The following MUC5AC variants were observed in gnomAD, a reference collection of about 807,000 sequenced individuals.
MUC5AC encodes mucin 5AC, oligomeric mucus/gel-forming, also known as mucin-5AC.
Under a neutral mutation model 169.7 loss-of-function variants are expected in MUC5AC, and 158 were observed. The ratio of observed to expected loss-of-function variants is 0.93; its 90% CI spans 0.82 to 1.06. MUC5AC has a LOEUF of 1.06. MUC5AC is among the 50% of genes least tolerant of loss of function. The pLI, the probability that MUC5AC is intolerant of heterozygous loss-of-function variation, is 0.00. For missense variants in MUC5AC, 4,359 were observed against 3,089.9 expected (o/e 1.41, Z -9.74); for synonymous variants, 1,975 against 1,237.0 (o/e 1.60, Z -12.52).
chr11:1,188,938 A>C lies in MUC5AC; in HGVS notation c.10793A>C (p.Asn3598Thr), dbSNP rs1168483575. Reference sequence around the variant, plus strand: ...CGCGAAGAGGGCCTGGTGTGCCGGAACCAGGACCAGCAGGGACCCTTCAAG... The same window carrying C: ...CGCGAAGAGGGCCTGGTGTGCCGGACCCAGGACCAGCAGGGACCCTTCAAG... ...CSREEGLVCR[N>T]QDQQGPFKMC... The change falls in exon 31 of 49, where the codon AAC (asparagine) becomes ACC (threonine). Residue 3598 changes from asparagine (N) to threonine (T), a missense_variant. Transcript: ENST00000621226. The C allele has an allele frequency of 2.7e-6, 2 of 742,578 alleles. No individual in the cohort carries two copies. The highest frequency in any genetic ancestry group is 4.9e-6 in the Non-Finnish European group (2 of 407,592). 46.0% of individuals were successfully genotyped at this position (742,578 alleles called of 1,614,324 possible). A position where few individuals can be genotyped will look rare whatever the true frequency, so the allele number is the denominator to read the frequency against.
intron 45 of MUC5AC, 42 bp from the exon 46 acceptor site, chr11:1,199,329 C>T (rs370679744): frequency 2.6e-5 from 18 of 701,680 alleles, no homozygotes; most frequent in Middle Eastern, 2.6e-4. Context: ...GAGGGACAGA[C>T]GGAGGGAGGG....
At chr11:1,193,992 G>A (rs1043131159) in intron 33 of MUC5AC, 118 bp from the exon 34 acceptor site, 7 of 671,514 alleles carry the variant, frequency 1.0e-5, no homozygotes, top group Non-Finnish European at 1.6e-5. Flanking sequence ...GGTCTTGTGC[G>A]CCCTGTGAGA....
Position 1,191,704 on chromosome 11 carries a change from G to T in MUC5AC, c.13559G>T (p.Ser4520Ile). The T allele has an allele frequency of 1.4e-6, 1 of 705,360 alleles. No homozygotes were observed. 43.7% of individuals were successfully genotyped at this position (705,360 alleles called of 1,614,324 possible). Residue 4520 changes from serine (S) to isoleucine (I), a missense_variant, in exon 31 of 49, where the codon AGC (serine) becomes ATC (isoleucine). Ser to Ile is a moderately radical substitution (Grantham distance 142). Coordinates refer to ENST00000621226, the MANE Select transcript of MUC5AC (RefSeq NM_001304359.2). Reference protein sequence around the residue: ...GTTPSPVPTTSTTSAPTTSTT... With the variant: ...GTTPSPVPTTITTSAPTTSTT... ...ACTCCCAGCCCTGTTCCCACCACCAGCACAACCTCTGCTCCTACAACCAGC... is the reference window on the plus strand; with the variant it reads ...ACTCCCAGCCCTGTTCCCACCACCATCACAACCTCTGCTCCTACAACCAGC...
At chr11:1,175,608 C>A (rs2133742638) in intron 19 of MUC5AC, among the ~76,000 whole-genome samples, 1 of 134,050 alleles carries the variant, frequency 7.5e-6, no homozygotes, top group South Asian at 2.6e-4. Context: ...CATTCACACC[C>A]TCATGCACAC....
rs1292441326 is a variant in MUC5AC at position 1,191,884 on chromosome 11, C to T, written c.13739C>T (p.Ala4580Val). 1.3e-6 allele frequency: 1 copy of T among 763,168 alleles called. No individual in the cohort carries two copies. Among genetic ancestry groups the T allele is most frequent in the South Asian group, 1.4e-5 (1 of 73,282 alleles). The allele number at this position is 763,168 out of a possible 1,614,324, so 47.3% of individuals were successfully genotyped here. The change falls in exon 31 of 49, where the codon GCT (alanine) becomes GTT (valine). Residue 4580 changes from alanine to valine, a missense_variant. Coordinates refer to ENST00000621226, the MANE Select transcript of MUC5AC (RefSeq NM_001304359.2). ...GTTCCCACCACCAGCACAACCTCTG[C>T]TCCTACAACCAGCACGACCTCTGGT... The part of the protein sequence containing the change: ...SPVPTTSTTS[A>V]PTTSTTSGPG...
Position 1,160,620 on chromosome 11 carries a change from C to A in MUC5AC, c.82C>A (p.Gln28Lys). ...CCCTCCTCTTTCTGCAGGCCATGCC[C>A]AGGATGGCTCCTCCGAATCCAGCTA... Reference protein sequence around the residue: ...LACTRHTGHAQDGSSESSYKH... With the variant: ...LACTRHTGHAKDGSSESSYKH... The change falls in exon 2 of 49, where the codon CAG becomes AAG. Residue 28 changes from glutamine (Q) to lysine (K), a missense_variant. Physicochemically the swap from Gln to Lys is moderately conservative, Grantham distance 53. Transcript: ENST00000621226. The A allele has an allele frequency of 1.9e-6, 3 of 1,608,746 alleles. No homozygotes were observed. Among genetic ancestry groups the A allele is most frequent in the Non-Finnish European group, 1.7e-6 (2 of 1,179,354 alleles).
Position 1,164,185 on chromosome 11 carries a change from C to G in MUC5AC, c.869C>G (p.Ala290Gly), listed in dbSNP as rs375958668. The stretch of plus-strand genomic sequence containing the variant: ...GTGGACGTCGGCAGCTACCTGGAGG[C>G]TTGCAGGCAAGACCTCTGCTTCTGT... Reference protein sequence around the residue: ...ALVDVGSYLEACRQDLCFCED... With the variant: ...ALVDVGSYLEGCRQDLCFCED... The change falls in exon 8 of 49, where the codon GCT becomes GGT. Residue 290 changes from alanine (A) to glycine (G), a missense_variant. Physicochemically the swap from Ala to Gly is moderately conservative, Grantham distance 60. Transcript: ENST00000621226. 2.5e-6 allele frequency: 4 copies of G among 1,612,478 alleles called. No individual in the cohort carries two copies. In the African/African-American group the frequency reaches 5.3e-5, roughly 22 times the overall value.
Position 1,189,815 on chromosome 11 carries a change from C to A in MUC5AC, c.11670C>A (p.Pro3890=), listed in dbSNP as rs1328764977. 0.11 allele frequency: 81,030 copies of A among 740,080 alleles called. 16 individuals are homozygous for A. The highest frequency in any genetic ancestry group is 0.15 in the Non-Finnish European group (58,737 of 404,864). 45.8% of individuals were successfully genotyped at this position (740,080 alleles called of 1,614,324 possible). A position where few individuals can be genotyped will look rare whatever the true frequency, so the allele number is the denominator to read the frequency against. Residue 3890 remains proline, a synonymous_variant, in exon 31 of 49, where the codon CCC becomes CCA. Transcript: ENST00000621226. ...TCCATACAACCAGCACAACCTCTCC[C>A]CCTACAAGCAGCACAAGCTCCACTC... The part of the protein sequence containing the change: ...TSFHTTSTTS[P]PTSSTSSTPQ...
chr11:1,168,888 C>T lies in MUC5AC; in HGVS notation c.1732C>T (p.Gln578Ter). ...TCTCTGTGGGAACTTCAACAGCATC[C>T]AGGCCGATGACTTCCGGACCCTCAG... The part of the protein sequence containing the change: ...CGLCGNFNSI[Q>*]ADDFRTLSGV... Residue 578 changes from glutamine to a stop codon, truncating the protein, a stop_gained, in exon 15 of 49, where the codon CAG becomes TAG. Coordinates refer to ENST00000621226, the MANE Select transcript of MUC5AC (RefSeq NM_001304359.2). LOFTEE classifies it high-confidence loss of function. 1 of 1,605,296 alleles carries T rather than the reference C, an allele frequency of 6.2e-7. No individual in the cohort carries two copies. Among genetic ancestry groups the T allele is most frequent in the Non-Finnish European group, 8.5e-7 (1 of 1,175,416 alleles).
At chr11:1,173,606 C>CACTCATCCACTCATT (rs1203086273) in intron 16 of MUC5AC, among the ~76,000 whole-genome samples, 1 of 150,998 alleles carries the variant, frequency 6.6e-6, no homozygotes, top group African/African-American at 2.4e-5. Context: ...TCCACTCACT[C>CACTCATCCACTCATT]ACTCATCCAC....
chr11:1,181,814 C>G lies in MUC5AC; in HGVS notation c.4010-341C>G, dbSNP rs955477357. On this transcript the variant is annotated intron_variant, in intron 30 of 48. Transcript: ENST00000621226. ...CCTCACAATGCTCAGGGCTCAGGTA[C>G]CCCCATGTCCTCGCCCTCTTCTGGG... Among the ~76,000 whole-genome samples the G allele has an allele frequency of 3.9e-5, 6 of 152,230 alleles. No homozygotes were observed. The East Asian group carries it at 9.6e-4, about 24-fold the overall frequency.
Position 1,180,091 on chromosome 11 carries a change from G to T in MUC5AC, c.3554G>T (p.Cys1185Phe). ...EWHYQPCGVPCLRTCRNPRGD... is the reference protein window; with the variant it reads ...EWHYQPCGVPFLRTCRNPRGD... ...CACTACCAGCCCTGCGGGGTGCCCT[G>T]CCTGCGCACCTGCCGGAACCCCCGT... The change falls in exon 27 of 49, where the codon TGC (cysteine) becomes TTC (phenylalanine). Residue 1185 changes from cysteine (C) to phenylalanine (F), a missense_variant. By Grantham distance (205) the Cys-to-Phe change is radical (BLOSUM62 -2). Transcript: ENST00000621226. The T allele has an allele frequency of 2.5e-6, 1 of 399,116 alleles. No individual in the cohort carries two copies. The highest frequency in any genetic ancestry group is 3.6e-5 in the East Asian group (1 of 28,074). 24.7% of individuals were successfully genotyped at this position (399,116 alleles called of 1,614,324 possible). A position where few individuals can be genotyped will look rare whatever the true frequency, so the allele number is the denominator to read the frequency against.
In MUC5AC at chr11:1,185,567, C is replaced by G; in HGVS notation, c.7422C>G (p.Ser2474Arg). ...PTTRTTSAPK[S>R]STTSAATTST... ...CAAGAACAACTTCTGCTCCTAAAAG[C>G]AGCACAACCTCTGCCGCTACAACCA... is the stretch of plus-strand genomic sequence containing the variant. The change falls in exon 31 of 49, where the codon AGC (serine) becomes AGG (arginine). Residue 2474 changes from serine to arginine, a missense_variant. Ser to Arg is a moderately radical substitution (Grantham distance 110, BLOSUM62 -1). Coordinates refer to ENST00000621226, the MANE Select transcript of MUC5AC (RefSeq NM_001304359.2). 1.4e-6 allele frequency: 1 copy of G among 720,868 alleles called. No homozygotes were observed. The highest frequency in any genetic ancestry group is 2.5e-6 in the Non-Finnish European group (1 of 395,214). 44.7% of individuals were successfully genotyped at this position (720,868 alleles called of 1,614,324 possible). A position where few individuals can be genotyped will look rare whatever the true frequency, so the allele number is the denominator to read the frequency against.
chr11:1,162,795 A>G (rs989271441), intron 5 of MUC5AC, 149 bp downstream of exon 5: 2 of 994,916 alleles, frequency 2.0e-6, no homozygotes, highest in African/African-American at 1.6e-5. Context: ...AGGTGCCCAG[A>G]CACCAATGGT....
chr11:1,196,330 G>A (rs748630506), intron 37 of MUC5AC, 58 bp from the exon 38 acceptor site: 18 of 757,758 alleles, frequency 2.4e-5, no homozygotes, highest in Non-Finnish European at 3.4e-5. Context: ...CCAGCGGCCC[G>A]CGTTGCTCTG....
intron 26 of MUC5AC, 73 bp downstream of exon 26, chr11:1,179,321 T>C: frequency 2.8e-6 from 1 of 359,282 alleles, no homozygotes; most frequent in South Asian, 3.8e-5. Context: ...TCGCCGCTGA[T>C]GCGTGGGGTG....
intron 6 of MUC5AC, among the ~76,000 whole-genome samples, 169 bp downstream of exon 6, chr11:1,163,214 C>CCGG (rs1860198132): frequency 6.6e-6 from 1 of 152,254 alleles, no homozygotes; most frequent in Non-Finnish European, 1.5e-5. Context: ...TCCCGCAACG[C>CCGG]CGGCCTGTCT....
In MUC5AC at chr11:1,187,283, C is replaced by G. The variant is rs1331334416; in HGVS notation, c.9138C>G (p.Ser3046=). The stretch of plus-strand genomic sequence containing the variant: ...CTACCCCTACAAGCAGCACAACCTC[C>G]TCTCCACAGACCAGCACAACCTCGG... The part of the protein sequence containing the change: ...TTSTPTSSTT[S]SPQTSTTSAS... The change falls in exon 31 of 49, where the codon TCC becomes TCG. Residue 3046 remains serine (S), a synonymous_variant. Coordinates refer to ENST00000621226, the MANE Select transcript of MUC5AC (RefSeq NM_001304359.2). 1 of 688,702 alleles carries G rather than the reference C, an allele frequency of 1.5e-6. No homozygotes were observed. Among genetic ancestry groups the G allele is most frequent in the East Asian group, 2.8e-5 (1 of 36,066 alleles). The allele number at this position is 688,702 out of a possible 1,614,324, so 42.7% of individuals were successfully genotyped here.
Position 1,190,834 on chromosome 11 carries a change from C to A in MUC5AC, c.12689C>A (p.Thr4230Asn). ...GGAACTACTCCAAGCCCTGTTCCCA[C>A]CACCAGCACAACCTCTGCCTCTACA... The part of the protein sequence containing the change: ...GSGTTPSPVP[T>N]TSTTSASTTS... The change falls in exon 31 of 49, where the codon ACC becomes AAC. Residue 4230 changes from threonine to asparagine, a missense_variant. Transcript: ENST00000621226. 1.3e-6 allele frequency: 1 copy of A among 741,296 alleles called. No homozygotes were observed. Among genetic ancestry groups the A allele is most frequent in the Non-Finnish European group, 2.5e-6 (1 of 406,176 alleles). 45.9% of individuals were successfully genotyped at this position (741,296 alleles called of 1,614,324 possible).
Sources: gnomAD v4.1 joint callset for allele counts (sites outside exome capture counted in the v4.1 genomes callset) on GRCh38, gnomAD v4.1.1 for gene constraint, MANE v1.5 for transcripts, NCBI Gene and HGNC (gene_info 2026-07-23, HGNC 2026-07-21) for gene names.